The following SSUH2 variants were observed in gnomAD, a reference collection of about 807,000 sequenced individuals.
SSUH2 encodes the protein ssu-2 homolog.
Under a neutral mutation model 55.3 loss-of-function variants are expected in SSUH2, and 47 were observed. The ratio of observed to expected loss-of-function variants is 0.85; its 90% CI spans 0.67 to 1.08. The LOEUF is 1.08. SSUH2 is among the 50% of genes least tolerant of loss of function. SSUH2 has a pLI of 0.00. For missense variants in SSUH2, 535 were observed against 490.7 expected (o/e 1.09, Z -0.85); for synonymous variants, 212 against 191.5 (o/e 1.11, Z -0.89).
chr3:8,641,152 G>A (rs377181123), intron 1 of SSUH2, among the ~76,000 whole-genome samples: 3 of 152,064 alleles, frequency 2.0e-5, no homozygotes, highest in East Asian at 1.9e-4. Context: ...GCCTGAGTGC[G>A]GCTCCCTGTC....
chr3:8,674,362 C>T (rs867131731), intron 3 of SSUH2, among the ~76,000 whole-genome samples: 7 of 152,120 alleles, frequency 4.6e-5, no homozygotes, highest in Non-Finnish European at 8.8e-5. Flanking sequence ...CAGGAGGCCC[C>T]GGACAAGGAG....
chr3:8,661,636 C>A (rs1211821972), intron 6 of SSUH2, among the ~76,000 whole-genome samples: 2 of 152,330 alleles, frequency 1.3e-5, no homozygotes, highest in Admixed American at 6.5e-5. Flanking sequence ...AATAGCCAGA[C>A]AATCAAGGTT....
intron 3 of SSUH2, among the ~76,000 whole-genome samples, chr3:8,676,874 C>T (rs1415451457): frequency 2.1e-5 from 3 of 142,960 alleles, no homozygotes; most frequent in Admixed American, 2.0e-4. Flanking sequence ...GGGGAGGAGG[C>T]ATCCCCCGTG....
At chr3:8,663,052 T>C (rs1198049008) in intron 6 of SSUH2, among the ~76,000 whole-genome samples, 1 of 152,200 alleles carries the variant, frequency 6.6e-6, no homozygotes, top group Non-Finnish European at 1.5e-5. Context: ...GTGGCATTAA[T>C]AAAAACAGCC....
At chr3:8,652,841 T>TTCTC (rs1410944257) in intron 7 of SSUH2, among the ~76,000 whole-genome samples, 4 of 152,306 alleles carry the variant, frequency 2.6e-5, no homozygotes, top group Admixed American at 1.3e-4. Flanking sequence ...GAAACAACTG[T>TTCTC]TCTCTCCTCT....
rs147817230 is a variant in SSUH2 at position 8,654,376 on chromosome 3, T to C, written c.-307+4549A>G. ...GGCTTCTTTCACTCAACATCATGTT[T>C]GTAGAATCACCCACGTCATCTCAGT... On this transcript the variant is annotated intron_variant, in intron 7 of 18. Coordinates refer to the SSUH2 transcript ENST00000317371. Among the ~76,000 whole-genome samples, 62 of 152,360 alleles carry C rather than the reference T, an allele frequency of 4.1e-4. No homozygotes were observed. The East Asian group carries it at 0.01, about 26-fold the overall frequency.
intron 1 of SSUH2, among the ~76,000 whole-genome samples, chr3:8,641,796 T>A (rs1242224123): frequency 6.6e-6 from 1 of 152,236 alleles, no homozygotes; most frequent in Admixed American, 6.5e-5. Context: ...CCAGCACCCT[T>A]TCTCACCAAG....
intron 1 of SSUH2, chr3:8,640,124 C>T (rs1278221232): frequency 7.9e-6 from 4 of 503,992 alleles, no homozygotes; most frequent in African/African-American, 2.1e-5. Flanking sequence ...TTCAGATTTA[C>T]AAGGTGAAAG....
intron 5 of SSUH2, among the ~76,000 whole-genome samples, chr3:8,670,466 T>C (rs1704437046): frequency 6.6e-6 from 1 of 151,978 alleles, no homozygotes; most frequent in Admixed American, 6.5e-5. Context: ...TGTCCACACA[T>C]GGTGTACACC....
At chr3:8,648,041 C>T (rs909302), upstream of SSUH2, among the ~76,000 whole-genome samples, 99,302 of 152,078 alleles carry the variant, frequency 0.65, 32,728 homozygotes, top group East Asian at 0.77. Flanking sequence ...AGTCGTGGAC[C>T]TCTAACTGCA....
At chr3:8,657,441 G>C (rs905401324) in intron 7 of SSUH2, among the ~76,000 whole-genome samples, 4 of 152,058 alleles carry the variant, frequency 2.6e-5, no homozygotes, top group Non-Finnish European at 4.4e-5. Context: ...CAGGTGGGAC[G>C]GCATGACATG....
Position 8,623,569 on chromosome 3 carries a change from G to A in SSUH2, c.961C>T (p.Arg321Cys), listed in dbSNP as rs1041160559. 17 of 1,550,280 alleles carry A rather than the reference G, an allele frequency of 1.1e-5. No homozygotes were observed. Among genetic ancestry groups the A allele is most frequent in the East Asian group, 2.4e-5 (1 of 40,922 alleles). The change falls in exon 11 of 12, where the codon CGT becomes TGT. Residue 321 changes from arginine (R) to cysteine (C), a missense_variant. Transcript: ENST00000544814. ...CTCACCTGCTGCAGGACGCGGGCAC[G>A]GGAGGCCAAGGCAGCGCTGTGCTCT... ...IAEHSAALASRARVLQQRQTI... is the reference protein window; with the variant it reads ...IAEHSAALASCARVLQQRQTI...
chr3:8,681,671 A>C (rs1705962914), intron 1 of SSUH2, among the ~76,000 whole-genome samples: 1 of 147,430 alleles, frequency 6.8e-6, no homozygotes, highest in Non-Finnish European at 1.5e-5. Flanking sequence ...ACTGAAAGTC[A>C]GCCCCTCTTC....
At position 8,633,288 on chromosome 3, in the gene SSUH2, C is replaced by A. The variant is rs549605087; in HGVS notation, c.339+378G>T. Among the ~76,000 whole-genome samples the A allele has an allele frequency of 6.6e-4, 101 of 152,094 alleles. 1 individual carries two copies. The highest frequency in any genetic ancestry group is 6.4e-3 in the Admixed American group (98 of 15,270). On this transcript the variant is annotated intron_variant, in intron 4 of 11. Transcript: ENST00000544814. ...CCTCCCGAGTAGCTGGAACTACAGGCACCCACCACCACGCCCGGCTAATTT... is the reference window on the plus strand; with the variant it reads ...CCTCCCGAGTAGCTGGAACTACAGGAACCCACCACCACGCCCGGCTAATTT...
At chr3:8,623,728 C>A in intron 10 of SSUH2, 72 bp from the exon 11 acceptor site, 1 of 762,428 alleles carries the variant, frequency 1.3e-6, no homozygotes, top group East Asian at 2.9e-5. Flanking sequence ...CTGGGGCTGA[C>A]TAGAGCCAGA....
chr3:8,679,930 G>C (rs1156484254), intron 1 of SSUH2: 1 of 152,218 alleles, frequency 6.6e-6, no homozygotes, highest in African/African-American at 2.4e-5. Flanking sequence ...TGCAGTATTA[G>C]CCAAGCCTTT....
chr3:8,672,117 T>C (rs193130037), intron 3 of SSUH2: 21 of 151,908 alleles, frequency 1.4e-4, no homozygotes, highest in Admixed American at 3.9e-4. Context: ...CACGTTGAAA[T>C]TAGGAACAGT....
intron 3 of SSUH2, among the ~76,000 whole-genome samples, chr3:8,676,074 T>C (rs1705222298): frequency 6.6e-6 from 1 of 152,120 alleles, no homozygotes; most frequent in Non-Finnish European, 1.5e-5. Flanking sequence ...CCCCCCATGC[T>C]GTGGTGACTG....
At chr3:8,643,711 G>T (rs971317956) in intron 1 of SSUH2, among the ~76,000 whole-genome samples, 11 of 152,242 alleles carry the variant, frequency 7.2e-5, no homozygotes, top group South Asian at 2.1e-4. Flanking sequence ...ATCAAGTCTG[G>T]TGACTATGAA....
Sources: allele counts gnomAD v4.1 joint callset (sites outside exome capture counted in the v4.1 genomes callset), GRCh38; gene constraint gnomAD v4.1.1; transcripts MANE v1.5; gene names NCBI Gene and HGNC (gene_info 2026-07-23, HGNC 2026-07-21).